LRP1B: variants seen among roughly 807,000 people sequenced by gnomAD.
The protein encoded by LRP1B is LDL receptor related protein 1B.
Under a neutral mutation model 556.6 loss-of-function variants are expected in LRP1B, and 217 were observed. The ratio of observed to expected loss-of-function variants is 0.39; its 90% CI spans 0.35 to 0.44. LRP1B has a LOEUF of 0.44. Among genes scored for constraint, LRP1B ranks in the 20% least tolerant of loss-of-function variants. The pLI is 1.00. For missense variants in LRP1B, 5,053 were observed against 5,620.8 expected (o/e 0.90, Z 3.23); for synonymous variants, 2,047 against 1,865.8 (o/e 1.10, Z -2.50).
chr2:140,953,083 T>TTTTG (rs895002333), intron 18 of LRP1B, among the ~76,000 whole-genome samples: 24 of 152,080 alleles, frequency 1.6e-4, no homozygotes, highest in East Asian at 3.9e-4. Context: ...TCCATATTCT[T>TTTTG]TTTGTTTGTT....
At chr2:141,519,360 G>GAGAGATAT (rs1366593169) in intron 2 of LRP1B, among the ~76,000 whole-genome samples, 1 of 68,302 alleles carries the variant, frequency 1.5e-5, no homozygotes, top group African/African-American at 5.7e-5. Context: ...TTAAGTCAAT[G>GAGAGATAT]ATATATATAT....
chr2:140,939,256 G>T (rs1695322857), intron 20 of LRP1B, among the ~76,000 whole-genome samples: 1 of 151,844 alleles, frequency 6.6e-6, no homozygotes, highest in Non-Finnish European at 1.5e-5. Context: ...ACTTAATTTA[G>T]TTTTCTTCTT....
At chr2:141,030,274 G>T (rs994976692) in intron 11 of LRP1B, among the ~76,000 whole-genome samples, 1 of 152,014 alleles carries the variant, frequency 6.6e-6, no homozygotes, top group Non-Finnish European at 1.5e-5. Flanking sequence ...AAAGAAAAAT[G>T]TTAAACATGG....
chr2:140,686,539 T>A (rs548235493), intron 41 of LRP1B, among the ~76,000 whole-genome samples: 2 of 151,860 alleles, frequency 1.3e-5, no homozygotes, highest in African/African-American at 4.8e-5. Context: ...TGAGGTTGGA[T>A]CCTGACTGGG....
At chr2:140,996,082 G>A (rs921387160) in intron 15 of LRP1B, among the ~76,000 whole-genome samples, 4 of 151,864 alleles carry the variant, frequency 2.6e-5, no homozygotes, top group Admixed American at 6.6e-5. Flanking sequence ...GTCTTCTACC[G>A]GAATCCATGA....
chr2:142,068,993 T>A (rs192804061), intron 1 of LRP1B, among the ~76,000 whole-genome samples: 68 of 150,866 alleles, frequency 4.5e-4, no homozygotes, highest in Middle Eastern at 3.4e-3. Context: ...TGGTTCCATC[T>A]CTCTCTGTCT....
chr2:140,599,355 T>C (rs187279569), intron 42 of LRP1B, among the ~76,000 whole-genome samples: 66 of 152,232 alleles, frequency 4.3e-4, no homozygotes, highest in African/African-American at 1.3e-3. Flanking sequence ...AACTCCTGTT[T>C]TTTACATTTC....
chr2:141,540,546 C>T (rs12992656), intron 2 of LRP1B, among the ~76,000 whole-genome samples: 1 of 151,792 alleles, frequency 6.6e-6, no homozygotes, highest in East Asian at 1.9e-4. Context: ...TCATAGAAAG[C>T]CAGAGACTTT....
In LRP1B at chr2:140,438,785, C is replaced by A. The variant is rs546367261; in HGVS notation, c.10414+3719G>T. Among the ~76,000 whole-genome samples the A allele has an allele frequency of 1.5e-3, 230 of 152,194 alleles. 1 individual carries two copies. Among genetic ancestry groups the A allele is most frequent in the African/African-American group, 5.3e-3 (221 of 41,524 alleles). Reference sequence around the variant, plus strand: ...GCTGAGTCAACTTAGAGGCAAGAATCTTTTTGATAACTCAGAATTCTAGAT... The same window carrying A: ...GCTGAGTCAACTTAGAGGCAAGAATATTTTTGATAACTCAGAATTCTAGAT... On this transcript the variant is annotated intron_variant, in intron 66 of 90. Transcript: ENST00000389484.
chr2:140,688,045 A>C (rs1207685994), intron 41 of LRP1B, among the ~76,000 whole-genome samples: 1 of 152,130 alleles, frequency 6.6e-6, no homozygotes, highest in African/African-American at 2.4e-5. Flanking sequence ...TCCTATGAAA[A>C]ATGCTGCTTC....
At chr2:141,161,547 G>A (rs917393193) in intron 7 of LRP1B, among the ~76,000 whole-genome samples, 18 of 152,068 alleles carry the variant, frequency 1.2e-4, no homozygotes, top group African/African-American at 3.9e-4. Flanking sequence ...ATTCTCTATT[G>A]GGTCTCACAC....
At chr2:140,695,734 A>C (rs1686408217) in intron 41 of LRP1B, among the ~76,000 whole-genome samples, 1 of 152,166 alleles carries the variant, frequency 6.6e-6, no homozygotes, top group Non-Finnish European at 1.5e-5. Flanking sequence ...TCTTCATAGG[A>C]AAAGTGAACT....
rs944941862 is a variant in LRP1B at position 140,233,459 on chromosome 2, A to G, written c.13660-133T>C. The stretch of plus-strand genomic sequence containing the variant: ...ACATTTAATTTATTAAATAGTAATG[A>G]TTTAAAGGTTATTTACATGTTACAT... On this transcript the variant is annotated intron_variant, in intron 90 of 90. Coordinates refer to ENST00000389484, the MANE Select transcript of LRP1B (RefSeq NM_018557.3). The G allele has an allele frequency of 9.3e-6, 5 of 538,222 alleles. No individual in the cohort carries two copies. The African/African-American group carries it at 9.8e-5, about 11-fold the overall frequency. 33.3% of individuals were successfully genotyped at this position (538,222 alleles called of 1,614,324 possible).
At chr2:140,949,304 T>G (rs532694663) in intron 20 of LRP1B, among the ~76,000 whole-genome samples, 1 of 152,334 alleles carries the variant, frequency 6.6e-6, no homozygotes, top group South Asian at 2.1e-4. Flanking sequence ...ATTGTATGAT[T>G]GCTTGACAGT....
rs57659094 is a variant in LRP1B at position 141,208,876 on chromosome 2, C to CAAAA, written c.851-20297_851-20294dup. ...AAAGCGAGATTCTGAGATTCCGTCT[C>CAAAA]AAAAAAAAAAAAAAAAAAAAAAAAA... On this transcript the variant is annotated intron_variant, in intron 6 of 90. Transcript: ENST00000389484. Among the ~76,000 whole-genome samples the CAAAA allele has an allele frequency of 6.1e-4, 40 of 65,484 alleles. 1 individual carries two copies. Among genetic ancestry groups the CAAAA allele is most frequent in the Non-Finnish European group, 7.8e-4 (28 of 35,906 alleles). The allele number at this position is 65,484 out of a possible 152,430, so 43.0% of individuals were successfully genotyped here.
intron 7 of LRP1B, among the ~76,000 whole-genome samples, chr2:141,141,854 T>C (rs1558888614): frequency 6.6e-6 from 1 of 152,214 alleles, no homozygotes; most frequent in Non-Finnish European, 1.5e-5. Flanking sequence ...AAATAGTTTA[T>C]ATAATTTAAG....
chr2:141,464,266 A>G (rs1007606542), intron 3 of LRP1B, among the ~76,000 whole-genome samples: 3 of 152,182 alleles, frequency 2.0e-5, no homozygotes, highest in South Asian at 4.1e-4. Context: ...ATTTGGTACA[A>G]TCTCTAACAT....
At chr2:141,886,226 T>C in intron 1 of LRP1B, among the ~76,000 whole-genome samples, 1 of 152,156 alleles carries the variant, frequency 6.6e-6, no homozygotes, top group African/African-American at 2.4e-5. Flanking sequence ...GTTAAGTGGG[T>C]AGGACTACGA....
At chr2:140,481,297 A>G (rs1215939022) in intron 59 of LRP1B, among the ~76,000 whole-genome samples, 2 of 152,088 alleles carry the variant, frequency 1.3e-5, no homozygotes, top group African/African-American at 4.8e-5. Context: ...ATGATCCACA[A>G]TTATTTTGTT....
Sources: gnomAD v4.1 joint callset for allele counts (sites outside exome capture counted in the v4.1 genomes callset) on GRCh38, gnomAD v4.1.1 for gene constraint, MANE v1.5 for transcripts, NCBI Gene and HGNC (gene_info 2026-07-23, HGNC 2026-07-21) for gene names.